Variants in CNTNAP2 observed in about 807,000 individuals in gnomAD.
CNTNAP2 encodes the protein contactin associated protein 2.
CNTNAP2 carries 98 observed loss-of-function variants against 155.2 expected under a neutral mutation model. The observed-to-expected ratio is 0.63, with a 90% CI of 0.54 to 0.75. The LOEUF is 0.75. CNTNAP2 is among the 30% of genes least tolerant of loss of function. CNTNAP2 has a pLI of 0.00. For missense variants in CNTNAP2, 1,727 were observed against 1,688.1 expected (o/e 1.02, Z -0.40); for synonymous variants, 651 against 631.2 (o/e 1.03, Z -0.47).
intron 8 of CNTNAP2, among the ~76,000 whole-genome samples, chr7:147,201,574 T>A (rs1802922839): frequency 6.6e-6 from 1 of 152,124 alleles, no homozygotes; most frequent in South Asian, 2.1e-4. Context: ...GAAAAAAGCT[T>A]CCCTAATGCA....
At chr7:146,709,191 T>A (rs1801019523) in intron 1 of CNTNAP2, among the ~76,000 whole-genome samples, 1 of 151,718 alleles carries the variant, frequency 6.6e-6, no homozygotes, top group South Asian at 2.1e-4. Flanking sequence ...CTTAGTCAAA[T>A]TCCATTTTTT....
intron 13 of CNTNAP2, among the ~76,000 whole-genome samples, chr7:147,739,535 C>T (rs773085913): frequency 6.6e-6 from 1 of 151,944 alleles, no homozygotes; most frequent in Non-Finnish European, 1.5e-5. Context: ...TAGGAATTTT[C>T]AGGGTTCTTA....
intron 1 of CNTNAP2, among the ~76,000 whole-genome samples, chr7:146,256,486 C>T (rs992377844): frequency 6.6e-6 from 1 of 151,550 alleles, no homozygotes; most frequent in East Asian, 1.9e-4. Context: ...AGTATTTTTG[C>T]TTTCTATGAC....
At chr7:146,127,695 GAATT>G (rs1797656417) in intron 1 of CNTNAP2, among the ~76,000 whole-genome samples, 1 of 152,048 alleles carries the variant, frequency 6.6e-6, no homozygotes, top group African/African-American at 2.4e-5. Context: ...ATTATCTGAA[GAATT>G]ATTTGTTATC....
intron 1 of CNTNAP2, among the ~76,000 whole-genome samples, chr7:146,157,248 C>A (rs916729289): frequency 6.6e-6 from 1 of 151,930 alleles, no homozygotes; most frequent in Non-Finnish European, 1.5e-5. Flanking sequence ...TATTTCTGTA[C>A]TCTTCTTCAA....
intron 15 of CNTNAP2, among the ~76,000 whole-genome samples, chr7:148,075,354 T>C (rs79767524): frequency 6.6e-6 from 1 of 152,106 alleles, no homozygotes; most frequent in Non-Finnish European, 1.5e-5. Context: ...AGAGAATCGC[T>C]TGAACCCGGG....
intron 12 of CNTNAP2, among the ~76,000 whole-genome samples, chr7:147,593,969 G>A (rs538831955): frequency 6.6e-6 from 1 of 152,146 alleles, no homozygotes; most frequent in East Asian, 1.9e-4. Context: ...TCACGAAGTA[G>A]GCAGGCACTG....
chr7:146,470,215 T>C (rs1240969713), intron 1 of CNTNAP2, among the ~76,000 whole-genome samples: 1 of 152,210 alleles, frequency 6.6e-6, no homozygotes, highest in African/African-American at 2.4e-5. Context: ...GTAAACATCA[T>C]GTTTTATTTT....
At chr7:147,932,727 T>G (rs1050060102) in intron 14 of CNTNAP2, among the ~76,000 whole-genome samples, 1 of 152,094 alleles carries the variant, frequency 6.6e-6, no homozygotes, top group Admixed American at 6.6e-5. Flanking sequence ...TATGTCAAAC[T>G]AAAAAACTTC....
chr7:146,513,481 T>TA (rs1236709361), intron 1 of CNTNAP2, among the ~76,000 whole-genome samples: 3 of 151,928 alleles, frequency 2.0e-5, no homozygotes, highest in Non-Finnish European at 2.9e-5. Flanking sequence ...ATGAAGCTTA[T>TA]AAAAAATCTT....
chr7:147,297,441 A>G (rs1338460158), intron 8 of CNTNAP2, among the ~76,000 whole-genome samples: 2 of 152,206 alleles, frequency 1.3e-5, no homozygotes, highest in South Asian at 4.1e-4. Context: ...ATGAGAAACT[A>G]TAAGGAAAAA....
intron 13 of CNTNAP2, among the ~76,000 whole-genome samples, chr7:147,849,033 A>G (rs1339709424): frequency 6.6e-6 from 1 of 152,200 alleles, no homozygotes; most frequent in Non-Finnish European, 1.5e-5. Context: ...AATCAGAATG[A>G]AAATTGTTCA....
chr7:147,821,245 T>C (rs1023054109), intron 13 of CNTNAP2, among the ~76,000 whole-genome samples: 1 of 152,140 alleles, frequency 6.6e-6, no homozygotes, highest in Non-Finnish European at 1.5e-5. Flanking sequence ...ATATAGGAAA[T>C]GTATTCTTTC....
chr7:148,052,143 C>CA (rs750104789), intron 15 of CNTNAP2, among the ~76,000 whole-genome samples: 43,460 of 96,404 alleles, frequency 0.45, 7,971 homozygotes, highest in East Asian at 0.76. Context: ...ACTCCGTCTC[C>CA]AAAAAAAAAA....
At chr7:147,037,556 G>T (rs182075876) in intron 3 of CNTNAP2, among the ~76,000 whole-genome samples, 392 of 150,436 alleles carry the variant, frequency 2.6e-3, no homozygotes, top group African/African-American at 9.2e-3. Flanking sequence ...CCACCTCCCA[G>T]GTTCAAGTGA....
chr7:146,378,466 A>C (rs1795335759), intron 1 of CNTNAP2, among the ~76,000 whole-genome samples: 1 of 152,186 alleles, frequency 6.6e-6, no homozygotes, highest in Non-Finnish European at 1.5e-5. Flanking sequence ...GCTTGGAGCT[A>C]TTTCAAGTAC....
At chr7:147,993,601 T>C (rs561135116) in intron 15 of CNTNAP2, among the ~76,000 whole-genome samples, 2 of 152,210 alleles carry the variant, frequency 1.3e-5, no homozygotes, top group South Asian at 4.2e-4. Flanking sequence ...CACTTAGGGG[T>C]TGAGAAAGAG....
chr7:148,192,294 T>C (rs189777972), intron 18 of CNTNAP2, among the ~76,000 whole-genome samples: 29 of 152,312 alleles, frequency 1.9e-4, no homozygotes, highest in Non-Finnish European at 2.5e-4. Flanking sequence ...TCTATGTCCA[T>C]GTGGACCCAT....
chr7:148,317,532 CA>C (rs111713249), intron 21 of CNTNAP2, among the ~76,000 whole-genome samples: 1 of 151,636 alleles, frequency 6.6e-6, no homozygotes, highest in Non-Finnish European at 1.5e-5. Context: ...CTCCAGTCTC[CA>C]AAAAAATATT....
Sources: allele counts gnomAD v4.1 joint callset (sites outside exome capture counted in the v4.1 genomes callset), GRCh38; gene constraint gnomAD v4.1.1; transcripts MANE v1.5; gene names NCBI Gene and HGNC (gene_info 2026-07-23, HGNC 2026-07-21).